METTL15: variants seen among roughly 807,000 people sequenced by gnomAD.
The protein encoded by METTL15 is methyltransferase 15, mitochondrial 12S rRNA N4-cytidine.
Under a neutral mutation model 38.3 loss-of-function variants are expected in METTL15, and 34 were observed. That is an observed-to-expected ratio of 0.89 (90% CI 0.68 to 1.18). The LOEUF is 1.18. Among genes scored for constraint, METTL15 ranks in the 50% most tolerant of loss-of-function variants. The pLI is 0.00. For missense variants in METTL15, 438 were observed against 498.4 expected (o/e 0.88, Z 1.15); for synonymous variants, 162 against 170.9 (o/e 0.95, Z 0.41).
At chr11:28,258,598 G>A (rs183489283) in intron 4 of METTL15, among the ~76,000 whole-genome samples, 4 of 152,260 alleles carry the variant, frequency 2.6e-5, no homozygotes, top group South Asian at 2.1e-4. Flanking sequence ...AGACACAGTC[G>A]TTCCTACTAT....
chr11:28,464,507 T>C (rs1851241062), intron 6 of METTL15, among the ~76,000 whole-genome samples: 1 of 152,184 alleles, frequency 6.6e-6, no homozygotes, highest in African/African-American at 2.4e-5. Context: ...CCAAGGGTCA[T>C]AGTTTACCAT....
At chr11:28,207,137 C>A (rs1169949023) in intron 3 of METTL15, among the ~76,000 whole-genome samples, 2 of 149,992 alleles carry the variant, frequency 1.3e-5, no homozygotes, top group East Asian at 2.1e-4. Context: ...CAGAACTTCC[C>A]ACACTATATT....
intron 6 of METTL15, among the ~76,000 whole-genome samples, chr11:28,450,189 T>C (rs1181545401): frequency 1.3e-5 from 2 of 152,242 alleles, no homozygotes; most frequent in African/African-American, 4.8e-5. Flanking sequence ...GACACTGGAC[T>C]AAGCCGACGG....
At chr11:28,130,921 A>G (rs1287885830) in intron 3 of METTL15, among the ~76,000 whole-genome samples, 1 of 152,136 alleles carries the variant, frequency 6.6e-6, no homozygotes, top group African/African-American at 2.4e-5. Flanking sequence ...AGGCTTGGAT[A>G]ATTGTTGCTG....
chr11:28,117,127 A>G (rs913969723), intron 3 of METTL15, among the ~76,000 whole-genome samples: 9 of 152,030 alleles, frequency 5.9e-5, no homozygotes, highest in African/African-American at 1.9e-4. Flanking sequence ...TGCAGGGGTA[A>G]CAATTAAAAT....
intron 5 of METTL15, among the ~76,000 whole-genome samples, chr11:28,406,483 G>A (rs1175467305): frequency 1.3e-5 from 2 of 151,928 alleles, no homozygotes; most frequent in Non-Finnish European, 2.9e-5. Context: ...GTGTACATGT[G>A]CCACATTTTC....
intron 3 of METTL15, among the ~76,000 whole-genome samples, chr11:28,172,827 G>A (rs1470996797): frequency 6.6e-6 from 1 of 152,172 alleles, no homozygotes; most frequent in African/African-American, 2.4e-5. Context: ...AGAGCTATGA[G>A]CAAACTATTC....
intron 4 of METTL15, among the ~76,000 whole-genome samples, chr11:28,260,388 T>A (rs574186677): frequency 1.3e-5 from 2 of 152,192 alleles, no homozygotes; most frequent in Non-Finnish European, 2.9e-5. Flanking sequence ...ATTTACCATA[T>A]TTTATGTTCT....
chr11:28,138,933 G>T (rs561288554), intron 3 of METTL15, among the ~76,000 whole-genome samples: 2 of 152,258 alleles, frequency 1.3e-5, no homozygotes, highest in African/African-American at 4.8e-5. Context: ...ACACCAGATT[G>T]GCTACAGCCT....
At chr11:28,427,233 C>G (rs1185093673) in intron 6 of METTL15, among the ~76,000 whole-genome samples, 1 of 152,154 alleles carries the variant, frequency 6.6e-6, no homozygotes, top group Non-Finnish European at 1.5e-5. Flanking sequence ...TGTCAAAGAT[C>G]AGATGGTTGT....
chr11:28,262,261 C>T (rs991138136), intron 4 of METTL15, among the ~76,000 whole-genome samples: 6 of 151,650 alleles, frequency 4.0e-5, no homozygotes, highest in African/African-American at 1.5e-4. Context: ...ACTGACTATG[C>T]AATAACTATA....
At chr11:28,261,571 A>T (rs1056067832) in intron 4 of METTL15, 2 of 152,210 alleles carry the variant, frequency 1.3e-5, no homozygotes, top group African/African-American at 4.8e-5. Context: ...TTTTAGTAGT[A>T]GTAGCAAAGT....
chr11:28,400,489 G>A (rs1489228392), intron 5 of METTL15, among the ~76,000 whole-genome samples: 3 of 151,930 alleles, frequency 2.0e-5, no homozygotes, highest in African/African-American at 7.2e-5. Flanking sequence ...TCTTCCAGCT[G>A]CTTTCTGAGC....
chr11:28,522,122 A>G (rs1055597852), intron 6 of METTL15, among the ~76,000 whole-genome samples: 1 of 152,352 alleles, frequency 6.6e-6, no homozygotes. Context: ...TAATATGAAC[A>G]GGAGAATCTG....
chr11:28,386,116 C>T (rs1392501144), intron 5 of METTL15, among the ~76,000 whole-genome samples: 3 of 151,778 alleles, frequency 2.0e-5, no homozygotes, highest in Non-Finnish European at 4.4e-5. Context: ...AGAAGATATA[C>T]ACAGAAAACG....
chr11:28,514,645 T>C (rs1851704757), intron 6 of METTL15, among the ~76,000 whole-genome samples: 1 of 152,170 alleles, frequency 6.6e-6, no homozygotes, highest in Non-Finnish European at 1.5e-5. Context: ...GAGTTCAGAG[T>C]GTGCCTGTCT....
At chr11:28,318,537 G>T (rs902199128) in intron 6 of METTL15, among the ~76,000 whole-genome samples, 1 of 152,162 alleles carries the variant, frequency 6.6e-6, no homozygotes, top group Non-Finnish European at 1.5e-5. Flanking sequence ...AAAATACTGT[G>T]TAAGAAATGT....
intron 4 of METTL15, among the ~76,000 whole-genome samples, chr11:28,213,198 T>C (rs1852714150): frequency 6.6e-6 from 1 of 152,032 alleles, no homozygotes; most frequent in Non-Finnish European, 1.5e-5. Flanking sequence ...CATAATAAAT[T>C]AGATAAGAAC....
intron 5 of METTL15, among the ~76,000 whole-genome samples, chr11:28,294,391 G>T (rs972055484): frequency 6.6e-6 from 1 of 152,176 alleles, no homozygotes; most frequent in Admixed American, 6.6e-5. Context: ...ATGTATCCCT[G>T]TGATGAAGAC....
Sources: gnomAD v4.1 joint callset for allele counts (sites outside exome capture counted in the v4.1 genomes callset) on GRCh38, gnomAD v4.1.1 for gene constraint, MANE v1.5 for transcripts, NCBI Gene and HGNC (gene_info 2026-07-23, HGNC 2026-07-21) for gene names.